The following CHFR variants were observed in gnomAD, a reference collection of about 807,000 sequenced individuals.
The protein encoded by CHFR is E3 ubiquitin-protein ligase CHFR.
Under a neutral mutation model 87.6 loss-of-function variants are expected in CHFR, and 57 were observed. That is an observed-to-expected ratio of 0.65 (90% CI 0.53 to 0.81). CHFR has a LOEUF of 0.81. Among genes scored for constraint, CHFR ranks in the 30% least tolerant of loss-of-function variants. The pLI is 0.00. For synonymous variants in CHFR, 381 were observed against 359.2 expected (o/e 1.06, Z -0.69); for missense variants, 797 against 865.8 (o/e 0.92, Z 1.00).
intron 12 of CHFR, 86 bp downstream of exon 12, chr12:132,851,532 G>A (rs1950944309): frequency 2.1e-6 from 3 of 1,405,480 alleles, no homozygotes; most frequent in Middle Eastern, 1.9e-4. Flanking sequence ...TACTTCACAG[G>A]TTACCCTAAG....
rs150995074 is a variant in CHFR, at chr12:132,861,535, G to A, written c.683C>T (p.Ala228Val). 133 of 1,614,088 alleles carry A rather than the reference G, an allele frequency of 8.2e-5. No individual in the cohort carries two copies. The highest frequency in any genetic ancestry group is 1.0e-4 in the Non-Finnish European group (119 of 1,180,046). ...FASALPDRKT[A>V]SFSSLEPQDQ... ...CTGGGGTTCCAACGACGAAAAGGAC[G>A]CAGTCTTTCTGTCTGGGAGAGCTGA... The change falls in exon 7 of 18, where the codon GCG becomes GTG. Residue 228 changes from alanine (A) to valine (V), a missense_variant. Around this residue, in one of 2 missense-constraint regions of CHFR, gnomAD observed 597 missense variants for 601.2 expected, o/e 0.99. Coordinates refer to ENST00000450056, the MANE Select transcript of CHFR (RefSeq NM_001161346.2).
At chr12:132,866,329 C>G (rs1951335547) in intron 6 of CHFR, 1 of 152,080 alleles carries the variant, frequency 6.6e-6, no homozygotes, top group Non-Finnish European at 1.5e-5. Context: ...AATGTTACAA[C>G]ACACCAAATG....
intron 2 of CHFR, among the ~76,000 whole-genome samples, chr12:132,880,604 G>C (rs1314585237): frequency 1.3e-5 from 2 of 151,690 alleles, no homozygotes; most frequent in Non-Finnish European, 2.9e-5. Flanking sequence ...CTTGCAGTGA[G>C]CCAAGATGGT....
chr12:132,859,132 G>T lies in CHFR; in HGVS notation c.847C>A (p.Pro283Thr). ...HEDVRAAAGKPDKMEETLTCI... is the reference protein window; with the variant it reads ...HEDVRAAAGKTDKMEETLTCI... ...GTCAGCGTCTCCTCCATCTTGTCTG[G>T]CTTCCCAGCCGCTGCTCTGACGTCC... Residue 283 changes from proline to threonine, a missense_variant, in exon 8 of 18, where the codon CCA (proline) becomes ACA (threonine). This residue lies in a region of CHFR where 597 missense variants were observed against 601.2 expected (regional missense o/e 0.99). Transcript: ENST00000450056. The T allele has an allele frequency of 6.2e-7, 1 of 1,614,116 alleles. No homozygotes were observed.
At chr12:132,882,555 A>C (rs2137067382) in intron 2 of CHFR, among the ~76,000 whole-genome samples, 1 of 152,300 alleles carries the variant, frequency 6.6e-6, no homozygotes. Context: ...GAAGTACTGT[A>C]TCCAAGGCAA....
rs1011775556 is a variant in CHFR, at chr12:132,856,350, G to T, written c.1229+118C>A. On this transcript the variant is annotated intron_variant, in intron 10 of 17. Transcript: ENST00000450056. ...GCTCAAGCCATTTAAGAGCTTGGCT[G>T]CTCAGGGCAGAACTAGATCTCAGGA... 3 of 1,086,232 alleles carry T rather than the reference G, an allele frequency of 2.8e-6. No individual in the cohort carries two copies. In the African/African-American group the frequency reaches 4.7e-5, roughly 17 times the overall value. The allele number at this position is 1,086,232 out of a possible 1,614,324, so 67.3% of individuals were successfully genotyped here. A position where few individuals can be genotyped will look rare whatever the true frequency, so the allele number is the denominator to read the frequency against.
rs1051259189 is a variant in CHFR at position 132,836,754 on chromosome 12, C to T, written c.*4800G>A. The T allele has an allele frequency of 6.1e-5, 28 of 456,062 alleles. No homozygotes were observed. Among genetic ancestry groups the T allele is most frequent in the East Asian group, 2.1e-4 (3 of 14,388 alleles). The allele number at this position is 456,062 out of a possible 1,614,324, so 28.3% of individuals were successfully genotyped here. A position where few individuals can be genotyped will look rare whatever the true frequency, so the allele number is the denominator to read the frequency against. ...GAAAAGTGAGCGACAGAGGAAGGGG[C>T]GCCTGTTTGTGCCGCGGGAAAGATT... On this transcript the variant is annotated 3_prime_UTR_variant, in exon 18 of 18. Transcript: ENST00000450056.
chr12:132,882,079 T>C (rs1036306118), intron 2 of CHFR, among the ~76,000 whole-genome samples: 19 of 152,268 alleles, frequency 1.2e-4, no homozygotes, highest in Middle Eastern at 3.4e-3. Flanking sequence ...TGTATGTCCC[T>C]ACAAAGACTG....
intron 11 of CHFR, 141 bp downstream of exon 11, chr12:132,853,290 G>A (rs1042828135): frequency 1.2e-6 from 1 of 854,880 alleles, no homozygotes; most frequent in East Asian, 3.3e-5. Flanking sequence ...TGAGTGCAGG[G>A]AGACCAATGA....
chr12:132,843,599 C>T (rs1370333105), intron 16 of CHFR, among the ~76,000 whole-genome samples: 1 of 152,140 alleles, frequency 6.6e-6, no homozygotes, highest in African/African-American at 2.4e-5. Context: ...TATGGCCTGA[C>T]GTCCTGCCGG....
At chr12:132,847,810 G>A in intron 14 of CHFR, 1 of 1,308,218 alleles carries the variant, frequency 7.6e-7, no homozygotes, top group South Asian at 1.6e-5. Context: ...AACAAGAGCT[G>A]CCGGGAACAA....
rs774958899 is a variant in CHFR, at chr12:132,836,797, C to T, written c.*4757G>A. ...GAAAGATTTCAAGCCCAGGGGACGG[C>T]TCATCAGCTCATCAGACCTTCACCG... On this transcript the variant is annotated 3_prime_UTR_variant, in exon 18 of 18. Coordinates refer to ENST00000450056, the MANE Select transcript of CHFR (RefSeq NM_001161346.2). 1.1e-5 allele frequency: 5 copies of T among 455,610 alleles called. No homozygotes were observed. Among genetic ancestry groups the T allele is most frequent in the South Asian group, 6.2e-5 (4 of 64,510 alleles). The allele number at this position is 455,610 out of a possible 1,614,324, so 28.2% of individuals were successfully genotyped here.
At position 132,833,094 on chromosome 12, in the gene CHFR, G is replaced by A. The variant is rs1211731021; in HGVS notation, c.*8460C>T. The A allele has an allele frequency of 6.6e-6, 1 of 152,208 alleles. No individual in the cohort carries two copies. The highest frequency in any genetic ancestry group is 6.5e-5 in the Admixed American group (1 of 15,276). 9.4% of individuals were successfully genotyped at this position (152,208 alleles called of 1,614,324 possible). A position where few individuals can be genotyped will look rare whatever the true frequency, so the allele number is the denominator to read the frequency against. ...CTCGCTGCACGATACTCCAGTGTCT[G>A]GATACACCCATTTTGTCTGTCCATG... On this transcript the variant is annotated 3_prime_UTR_variant, in exon 18 of 18. Coordinates refer to ENST00000450056, the MANE Select transcript of CHFR (RefSeq NM_001161346.2).
At chr12:132,864,851 A>G (rs1425456083) in intron 6 of CHFR, among the ~76,000 whole-genome samples, 1 of 152,064 alleles carries the variant, frequency 6.6e-6, no homozygotes, top group Non-Finnish European at 1.5e-5. Flanking sequence ...TAAGTAGAAC[A>G]TTATCAAAAA....
chr12:132,851,830 G>GT (rs1175319521), intron 11 of CHFR, 93 bp from the exon 12 acceptor site: 17 of 1,444,300 alleles, frequency 1.2e-5, no homozygotes, highest in Middle Eastern at 2.5e-4. Flanking sequence ...GCGAGGAGAG[G>GT]TGCACCTGAG....
At chr12:132,856,335 T>G in intron 10 of CHFR, 133 bp downstream of exon 10, 1 of 935,334 alleles carries the variant, frequency 1.1e-6, no homozygotes, top group Non-Finnish European at 1.6e-6. Flanking sequence ...GCTCAAGCCA[T>G]TTAAGAGCTT....
At chr12:132,847,717 C>T in intron 14 of CHFR, 1 of 1,133,812 alleles carries the variant, frequency 8.8e-7, no homozygotes, top group Non-Finnish European at 1.1e-6. Flanking sequence ...AGGCAAATGG[C>T]CAGAAGAGAC....
rs1364801864 is a variant in CHFR, at chr12:132,834,162, C to T, written c.*7392G>A. ...GGTCTGCCGGGCGTACGTGGTGGGC[C>T]TGGGGTCCCCACTGGAAACAGCTCT... is the stretch of plus-strand genomic sequence containing the variant. On this transcript the variant is annotated 3_prime_UTR_variant, in exon 18 of 18. Transcript: ENST00000450056. 6.6e-6 allele frequency: 1 copy of T among 152,364 alleles called. No homozygotes were observed. Among genetic ancestry groups the T allele is most frequent in the Non-Finnish European group, 1.5e-5 (1 of 68,208 alleles). 9.4% of individuals were successfully genotyped at this position (152,364 alleles called of 1,614,324 possible).
intron 3 of CHFR, among the ~76,000 whole-genome samples, chr12:132,872,668 G>A (rs531738863): frequency 6.6e-5 from 10 of 152,162 alleles, no homozygotes; most frequent in African/African-American, 1.4e-4. Flanking sequence ...TTCTCTCCCC[G>A]TTTGCCTCCT....
Sources: gnomAD v4.1 joint callset for allele counts (sites outside exome capture counted in the v4.1 genomes callset) on GRCh38, gnomAD v4.1.1 for gene constraint, gnomAD v4.1.1 regional missense constraint, MANE v1.5 for transcripts, NCBI Gene and HGNC (gene_info 2026-07-23, HGNC 2026-07-21) for gene names.